The following CNTN5 variants were observed in gnomAD, a reference collection of about 807,000 sequenced individuals.
CNTN5 encodes contactin 5, also known as contactin-5.
A neutral mutation model predicts 129.1 loss-of-function variants in CNTN5; 77 were observed. That is an observed-to-expected ratio of 0.60 (90% confidence interval 0.50 to 0.72). The LOEUF (loss-of-function observed/expected upper bound fraction) is 0.72. Among genes scored for constraint, CNTN5 ranks in the 30% least tolerant of loss-of-function variants. The pLI is 0.00. For synonymous variants in CNTN5, 509 were observed against 465.6 expected, an observed-to-expected ratio of 1.09 and a Z score of -1.20; for missense variants, 1,478 against 1,328.8, an observed-to-expected ratio of 1.11 and a Z score of -1.75.
intron 3 of CNTN5, among the ~76,000 whole-genome samples, chr11:99,770,926 A>G (rs1286545380): frequency 6.6e-6 from 1 of 152,120 alleles, no homozygotes; most frequent in Non-Finnish European, 1.5e-5. Flanking sequence ...AGCTATAATA[A>G]TCAAAAGAGT....
intron 2 of CNTN5, among the ~76,000 whole-genome samples, chr11:99,494,837 G>A (rs567108410): frequency 1.3e-5 from 2 of 152,100 alleles, no homozygotes; most frequent in Non-Finnish European, 2.9e-5. Flanking sequence ...TAGGGAACTG[G>A]AGTTTTAAAT....
intron 13 of CNTN5, among the ~76,000 whole-genome samples, chr11:100,130,831 G>C (rs563079803): frequency 3.2e-4 from 48 of 152,012 alleles, no homozygotes; most frequent in African/African-American, 1.1e-3. Flanking sequence ...CAGTTTTGGC[G>C]GGGGAAAATT....
intron 13 of CNTN5, among the ~76,000 whole-genome samples, chr11:100,174,346 C>T (rs910986084): frequency 2.0e-5 from 3 of 152,094 alleles, no homozygotes; most frequent in African/African-American, 7.2e-5. Context: ...ATACTCTAGG[C>T]TTTCCTTCTC....
intron 9 of CNTN5, among the ~76,000 whole-genome samples, chr11:100,045,042 T>C (rs1942594521): frequency 1.3e-5 from 2 of 152,126 alleles, no homozygotes; most frequent in South Asian, 4.1e-4. Context: ...CTGCAAGAAG[T>C]CTTTTAACAT....
intron 7 of CNTN5, among the ~76,000 whole-genome samples, chr11:99,931,261 AG>A (rs1950186153): frequency 6.6e-6 from 1 of 152,208 alleles, no homozygotes; most frequent in Non-Finnish European, 1.5e-5. Flanking sequence ...AGATATCACT[AG>A]AAAGGAAAAC....
At chr11:100,082,209 G>A (rs367726491) in intron 13 of CNTN5, among the ~76,000 whole-genome samples, 3 of 152,074 alleles carry the variant, frequency 2.0e-5, no homozygotes, top group East Asian at 1.9e-4. Flanking sequence ...TGGTGGCAAC[G>A]CAAGTAAATA....
chr11:99,673,526 A>G lies in CNTN5; in HGVS notation c.55+117257A>G, dbSNP rs1051048381. On this transcript the variant is annotated intron_variant, in intron 3 of 24. Transcript: ENST00000524871. Reference sequence around the variant, plus strand: ...AGTGTGACATGGGGGTTTGTTGCACAGATTCTTTCATCACCCAGGTATTAA... The same window carrying G: ...AGTGTGACATGGGGGTTTGTTGCACGGATTCTTTCATCACCCAGGTATTAA... Among the ~76,000 whole-genome samples, 3 of 152,146 alleles carry G rather than the reference A, an allele frequency of 2.0e-5. No homozygotes were observed. The East Asian group carries it at 5.8e-4, about 29-fold the overall frequency.
intron 3 of CNTN5, among the ~76,000 whole-genome samples, chr11:99,817,110 C>CT (rs979962293): frequency 4.6e-5 from 7 of 152,110 alleles, no homozygotes; most frequent in African/African-American, 9.7e-5. Context: ...TGAATACTGC[C>CT]TTTTTTCCCC....
intron 9 of CNTN5, among the ~76,000 whole-genome samples, chr11:100,014,717 C>T (rs950825667): frequency 5.3e-5 from 8 of 152,116 alleles, no homozygotes; most frequent in Non-Finnish European, 8.8e-5. Flanking sequence ...TCTATTGTTC[C>T]CCGGACCTTA....
intron 1 of CNTN5, among the ~76,000 whole-genome samples, chr11:99,239,661 C>T (rs574043583): frequency 2.6e-5 from 4 of 152,260 alleles, no homozygotes; most frequent in East Asian, 1.9e-4. Flanking sequence ...TAAGGCCGGG[C>T]GCGGTGGCTC....
intron 13 of CNTN5, among the ~76,000 whole-genome samples, chr11:100,135,553 C>T (rs937657664): frequency 6.6e-5 from 10 of 152,182 alleles, no homozygotes; most frequent in African/African-American, 2.4e-4. Context: ...ATTGTGAGAA[C>T]TAGGTTAGAT....
At chr11:100,348,699 G>A (rs1273319179) in intron 23 of CNTN5, among the ~76,000 whole-genome samples, 1 of 151,950 alleles carries the variant, frequency 6.6e-6, no homozygotes, top group Non-Finnish European at 1.5e-5. Context: ...CGATGCTCCA[G>A]ACGAAATCAA....
chr11:100,157,326 C>A (rs938187381), intron 13 of CNTN5, among the ~76,000 whole-genome samples: 3 of 151,558 alleles, frequency 2.0e-5, no homozygotes, highest in Non-Finnish European at 4.4e-5. Flanking sequence ...ATGATAAGAG[C>A]AAATAGTTGC....
In CNTN5 at chr11:99,291,528, T is replaced by G. The variant is rs560112412; in HGVS notation, c.-209-33818T>G. On this transcript the variant is annotated intron_variant, in intron 1 of 24. Transcript: ENST00000524871. ...TGATTTTATTTCTAAAAAATGTGCTTTCTACAGACATGAATCTACAAAAAA... is the reference window on the plus strand; with the variant it reads ...TGATTTTATTTCTAAAAAATGTGCTGTCTACAGACATGAATCTACAAAAAA... 1.5e-4 allele frequency among the ~76,000 whole-genome samples: 23 copies of G among 152,094 alleles called. 1 individual carries two copies. The South Asian group carries it at 4.8e-3, about 31-fold the overall frequency.
chr11:99,283,201 G>A (rs1208231724), intron 1 of CNTN5, among the ~76,000 whole-genome samples: 6 of 152,016 alleles, frequency 3.9e-5, no homozygotes, highest in African/African-American at 1.4e-4. Context: ...TACTCTCTCA[G>A]TCCTTTCTTT....
intron 1 of CNTN5, among the ~76,000 whole-genome samples, chr11:99,259,240 T>G (rs1862520325): frequency 6.6e-6 from 1 of 152,006 alleles, no homozygotes; most frequent in East Asian, 1.9e-4. Context: ...TCTTGCTTTT[T>G]TTGTATACTC....
At position 99,786,184 on chromosome 11, in the gene CNTN5, A is replaced by C. The variant is rs528586443; in HGVS notation, c.56-33360A>C. On this transcript the variant is annotated intron_variant, in intron 3 of 24. Coordinates refer to ENST00000524871, the MANE Select transcript of CNTN5 (RefSeq NM_014361.4). ...TCACGATACAAAATCAATGTGCAAAAATCAAAAGAATTCCTATACACCAAT... is the reference window on the plus strand; with the variant it reads ...TCACGATACAAAATCAATGTGCAAACATCAAAAGAATTCCTATACACCAAT... Among the ~76,000 whole-genome samples the C allele has an allele frequency of 9.2e-5, 14 of 152,202 alleles. 1 individual carries two copies. The South Asian group carries it at 2.9e-3, about 32-fold the overall frequency.
Position 99,822,896 on chromosome 11 carries a change from G to C in CNTN5, c.277+3131G>C, listed in dbSNP as rs1009867521. Among the ~76,000 whole-genome samples, 3 of 152,208 alleles carry C rather than the reference G, an allele frequency of 2.0e-5. 1 individual carries two copies. Among genetic ancestry groups the C allele is most frequent in the Non-Finnish European group, 4.4e-5 (3 of 68,028 alleles). ...TACAAAAGCCACTGGCTTCCATCTT[G>C]TTTGTCTTTTTTGCTTTCTGGCTTG... On this transcript the variant is annotated intron_variant, in intron 4 of 24. Coordinates refer to ENST00000524871, the MANE Select transcript of CNTN5 (RefSeq NM_014361.4).
intron 3 of CNTN5, among the ~76,000 whole-genome samples, chr11:99,557,430 T>C (rs1233567169): frequency 1.3e-5 from 2 of 151,300 alleles, no homozygotes; most frequent in East Asian, 1.9e-4. Flanking sequence ...AAATATCTAA[T>C]TGATTATACT....
Sources: gnomAD v4.1 joint callset for allele counts (sites outside exome capture counted in the v4.1 genomes callset) on GRCh38, gnomAD v4.1.1 for gene constraint, MANE v1.5 for transcripts, NCBI Gene and HGNC (gene_info 2026-07-23, HGNC 2026-07-21) for gene names.